TUT4: variants seen among roughly 807,000 people sequenced by gnomAD.
TUT4 encodes terminal uridylyltransferase 4.
TUT4 carries 36 observed loss-of-function variants against 192.2 expected under a neutral mutation model. The ratio of observed to expected loss-of-function variants is 0.19; its 90% CI spans 0.14 to 0.25. The LOEUF (loss-of-function observed/expected upper bound fraction) is 0.25. Among genes scored for constraint, TUT4 ranks in the 10% least tolerant of loss-of-function variants. The pLI is 1.00. For missense variants in TUT4, 1,493 were observed against 1,957.2 expected, an observed-to-expected ratio of 0.76 and a Z score of 4.47; for synonymous variants, 618 against 666.0, an observed-to-expected ratio of 0.93 and a Z score of 1.11.
chr1:52,516,188 T>G, intron 2 of TUT4, 134 bp from the exon 3 acceptor site: 1 of 718,880 alleles, frequency 1.4e-6, no homozygotes, highest in Non-Finnish European at 2.2e-6. Context: ...AGTATACAAG[T>G]TGGTATGCAT....
intron 1 of TUT4, among the ~76,000 whole-genome samples, chr1:52,550,558 A>C (rs1334035017): frequency 6.8e-6 from 1 of 146,164 alleles, no homozygotes; most frequent in Admixed American, 7.0e-5. Flanking sequence ...GCTGGAGTAC[A>C]GTGGCGCAAC....
intron 14 of TUT4, among the ~76,000 whole-genome samples, chr1:52,468,976 TTAAAC>T (rs1354727377): frequency 6.6e-6 from 1 of 152,208 alleles, no homozygotes; most frequent in Non-Finnish European, 1.5e-5. Flanking sequence ...TTATAATGAA[TTAAAC>T]TAATATTCAG....
chr1:52,439,057 A>C (rs1025273959), intron 24 of TUT4, among the ~76,000 whole-genome samples: 6 of 148,656 alleles, frequency 4.0e-5, no homozygotes, highest in African/African-American at 1.5e-4. Flanking sequence ...GTGACACAGC[A>C]AGACTCCATC....
chr1:52,495,505 A>C lies in TUT4; in HGVS notation c.1188T>G (p.Leu396=), dbSNP rs199557961. ...TAGTCAGAGATGAGCCATACAACCT[A>C]AGTGAACATTCTGGAATAAAGGAAA... ...VITTFLPECS[L]RLYGSSLTRF... Residue 396 remains leucine (L), a synonymous_variant, in exon 6 of 30, where the codon CTT becomes CTG. Transcript: ENST00000257177. The C allele has an allele frequency of 1.2e-6, 2 of 1,608,404 alleles. No individual in the cohort carries two copies. Among genetic ancestry groups the C allele is most frequent in the East Asian group, 2.2e-5 (1 of 44,586 alleles).
chr1:52,449,470 TG>T (rs1557685416), intron 20 of TUT4, among the ~76,000 whole-genome samples: 1 of 152,172 alleles, frequency 6.6e-6, no homozygotes, highest in African/African-American at 2.4e-5. Flanking sequence ...GGCTAATTTT[TG>T]TATTTTTTAG....
intron 11 of TUT4, among the ~76,000 whole-genome samples, chr1:52,478,333 A>G (rs1464888138): frequency 6.6e-6 from 1 of 152,238 alleles, no homozygotes; most frequent in African/African-American, 2.4e-5. Context: ...TTAAAATATA[A>G]GTAAATGCCC....
Position 52,469,313 on chromosome 1 carries a change from T to C in TUT4, c.2879-1046A>G, listed in dbSNP as rs569701902. 4.1e-5 allele frequency among the ~76,000 whole-genome samples: 6 copies of C among 146,342 alleles called. No homozygotes were observed. The South Asian group carries it at 1.1e-3, about 28-fold the overall frequency. ...GGGAGTGGGGGGAAAGGTGCTGACC[T>C]AAGTAAATTTGAAAATGAGTGGAAT... is the stretch of plus-strand genomic sequence containing the variant. On this transcript the variant is annotated intron_variant, in intron 14 of 29. Transcript: ENST00000257177.
intron 19 of TUT4, among the ~76,000 whole-genome samples, chr1:52,460,397 G>A (rs1303865004): frequency 2.6e-5 from 4 of 151,970 alleles, no homozygotes; most frequent in African/African-American, 7.3e-5. Flanking sequence ...CAGGAGAATC[G>A]CTTAAACCCA....
At chr1:52,480,626 T>C (rs1291955818) in intron 11 of TUT4, among the ~76,000 whole-genome samples, 2 of 152,168 alleles carry the variant, frequency 1.3e-5, no homozygotes, top group African/African-American at 4.8e-5. Context: ...TTTGATTTTG[T>C]AGGGAATGAA....
intron 1 of TUT4, among the ~76,000 whole-genome samples, chr1:52,543,663 T>C (rs1687311414): frequency 6.6e-6 from 1 of 151,838 alleles, no homozygotes; most frequent in Admixed American, 6.6e-5. Flanking sequence ...TTTGTATTTT[T>C]AGTAGGGACA....
At chr1:52,527,601 G>C (rs541659479) in intron 1 of TUT4, among the ~76,000 whole-genome samples, 21 of 151,926 alleles carry the variant, frequency 1.4e-4, no homozygotes, top group Non-Finnish European at 2.4e-4. Context: ...AAAAACAAAA[G>C]TAATAGTAAT....
At chr1:52,514,288 A>G (rs1375712996) in intron 3 of TUT4, among the ~76,000 whole-genome samples, 2 of 152,182 alleles carry the variant, frequency 1.3e-5, no homozygotes, top group African/African-American at 4.8e-5. Flanking sequence ...TAAAAATACA[A>G]GAATTAGCCA....
At chr1:52,438,185 T>C in intron 25 of TUT4, 35 bp downstream of exon 25, 1 of 1,545,058 alleles carries the variant, frequency 6.5e-7, no homozygotes. Context: ...CTCATTTATT[T>C]TCCTCAAAAT....
intron 2 of TUT4, among the ~76,000 whole-genome samples, chr1:52,522,020 G>T (rs573653526): frequency 3.3e-5 from 5 of 152,126 alleles, no homozygotes; most frequent in African/African-American, 9.6e-5. Flanking sequence ...ATTTCACTGA[G>T]AATCAATCTA....
intron 14 of TUT4, among the ~76,000 whole-genome samples, chr1:52,470,187 A>T (rs984621611): frequency 6.6e-6 from 1 of 152,148 alleles, no homozygotes; most frequent in South Asian, 2.1e-4. Context: ...AAACCCAAAC[A>T]AACAAAAAAA....
chr1:52,445,457 A>T (rs1394733112), intron 24 of TUT4, among the ~76,000 whole-genome samples: 1 of 152,228 alleles, frequency 6.6e-6, no homozygotes, highest in South Asian at 2.1e-4. Context: ...TTGACTGACT[A>T]TTCTCATTCA....
chr1:52,504,633 A>G (rs934186268), intron 4 of TUT4, among the ~76,000 whole-genome samples: 4 of 152,206 alleles, frequency 2.6e-5, no homozygotes, highest in Non-Finnish European at 4.4e-5. Context: ...CTATCTTGAA[A>G]AAAAACAAAC....
intron 2 of TUT4, among the ~76,000 whole-genome samples, chr1:52,522,474 T>C (rs904845655): frequency 2.0e-5 from 3 of 152,222 alleles, no homozygotes; most frequent in Non-Finnish European, 4.4e-5. Flanking sequence ...CTCCACTTTT[T>C]TAAAAATGAG....
chr1:52,513,393 C>CAAA lies in TUT4; in HGVS notation c.882+2495_882+2497dup, dbSNP rs554170439. 1.2e-4 allele frequency among the ~76,000 whole-genome samples: 5 copies of CAAA among 42,086 alleles called. 1 individual carries two copies. Among genetic ancestry groups the CAAA allele is most frequent in the East Asian group, 4.8e-4 (1 of 2,080 alleles). 27.6% of individuals were successfully genotyped at this position (42,086 alleles called of 152,430 possible). A position where few individuals can be genotyped will look rare whatever the true frequency, so the allele number is the denominator to read the frequency against. On this transcript the variant is annotated intron_variant, in intron 3 of 29. Transcript: ENST00000257177. ...GGGCAACCAGAATGAGACCCTGTCT[C>CAAA]AAAAAAAAAAAAAAAAAAAAAGTAC...
Sources: gnomAD v4.1 joint callset for allele counts (sites outside exome capture counted in the v4.1 genomes callset) on GRCh38, gnomAD v4.1.1 for gene constraint, MANE v1.5 for transcripts, NCBI Gene and HGNC (gene_info 2026-07-23, HGNC 2026-07-21) for gene names.